The following ATP2A2 variants were observed in gnomAD, a reference collection of about 807,000 sequenced individuals.
The protein encoded by ATP2A2 is ATPase sarcoplasmic/endoplasmic reticulum Ca2+ transporting 2.
In ATP2A2, 14 loss-of-function variants were observed where a neutral mutation model predicts 109.3. The observed-to-expected ratio is 0.13, with a 90% CI of 0.08 to 0.20. The LOEUF (loss-of-function observed/expected upper bound fraction) is 0.20, where lower values mean the gene tolerates loss of function less well. Among genes scored for constraint, ATP2A2 ranks in the 10% least tolerant of loss-of-function variants. The pLI, the probability that ATP2A2 is intolerant of heterozygous loss-of-function variation, is 1.00. For synonymous variants in ATP2A2, 506 were observed against 490.9 expected (o/e 1.03, Z -0.41); for missense variants, 657 against 1,321.6 (o/e 0.50, Z 7.80).
Position 110,346,847 on chromosome 12 carries a change from T to C in ATP2A2, c.*377T>C, listed in dbSNP as rs535603417. 256 of 1,123,530 alleles carry C rather than the reference T, an allele frequency of 2.3e-4. 3 individuals are homozygous for C. The South Asian group carries it at 4.8e-3, about 21-fold the overall frequency. 69.6% of individuals were successfully genotyped at this position (1,123,530 alleles called of 1,614,324 possible). Reference sequence around the variant, plus strand: ...GGAAATGAATGTGTGTGGTTTTTTTTCTAAAACTAAATAGCATGTATTGTG... The same window carrying C: ...GGAAATGAATGTGTGTGGTTTTTTTCCTAAAACTAAATAGCATGTATTGTG... On this transcript the variant is annotated 3_prime_UTR_variant, in exon 20 of 20. Transcript: ENST00000539276.
chr12:110,292,238 G>T, intron 4 of ATP2A2, 114 bp downstream of exon 4: 1 of 829,704 alleles, frequency 1.2e-6, no homozygotes, highest in South Asian at 1.4e-5. Context: ...ATATGTTTGC[G>T]GGAAGTTTAC....
rs909274852 is a variant in ATP2A2 at position 110,283,338 on chromosome 12, A to T, written c.219+543A>T. Among the ~76,000 whole-genome samples, 4 of 152,014 alleles carry T rather than the reference A, an allele frequency of 2.6e-5. No homozygotes were observed. In the East Asian group the frequency reaches 7.7e-4, roughly 29 times the overall value. On this transcript the variant is annotated intron_variant, in intron 3 of 19. Transcript: ENST00000539276. ...AGGGTGGTATATTTATCTAAATTGG[A>T]CCCCTGTCTTAAGTGATTCTTAGGT...
chr12:110,293,294 C>G (rs1250467239), intron 4 of ATP2A2, among the ~76,000 whole-genome samples: 1 of 150,672 alleles, frequency 6.6e-6, no homozygotes, highest in African/African-American at 2.4e-5. Flanking sequence ...GGTCTCAAAC[C>G]CCTGACCTCG....
intron 5 of ATP2A2, among the ~76,000 whole-genome samples, chr12:110,307,303 C>G (rs1018504493): frequency 6.8e-6 from 1 of 147,192 alleles, no homozygotes; most frequent in Non-Finnish European, 1.5e-5. Flanking sequence ...ATGATTATAG[C>G]TCATTGAGCC....
intron 5 of ATP2A2, among the ~76,000 whole-genome samples, chr12:110,317,018 T>TA (rs1876738239): frequency 6.6e-6 from 1 of 152,176 alleles, no homozygotes; most frequent in Admixed American, 6.5e-5. Flanking sequence ...CACAGTAGTA[T>TA]AATGGGGTAT....
chr12:110,290,832 G>C (rs1873186905), intron 3 of ATP2A2, among the ~76,000 whole-genome samples: 1 of 152,058 alleles, frequency 6.6e-6, no homozygotes, highest in South Asian at 2.1e-4. Flanking sequence ...TCGAATTCCT[G>C]ACCTCAGGCG....
intron 18 of ATP2A2, 150 bp from the exon 19 acceptor site, chr12:110,345,851 A>C: frequency 1.3e-6 from 1 of 790,450 alleles, no homozygotes; most frequent in Non-Finnish European, 2.2e-6. Flanking sequence ...ATTCTCTTCA[A>C]CTTTGCCACT....
intron 11 of ATP2A2, among the ~76,000 whole-genome samples, chr12:110,335,141 G>A (rs1475768430): frequency 1.3e-5 from 2 of 152,182 alleles, no homozygotes; most frequent in Non-Finnish European, 2.9e-5. Context: ...TTGGACCTGA[G>A]TGAGGTTCCT....
intron 7 of ATP2A2, among the ~76,000 whole-genome samples, chr12:110,326,915 T>C (rs1877862233): frequency 1.3e-5 from 2 of 152,262 alleles, no homozygotes; most frequent in East Asian, 3.8e-4. Flanking sequence ...TTCATTTTAC[T>C]ATTTCACTTT....
chr12:110,291,580 C>T (rs545981520), intron 3 of ATP2A2, among the ~76,000 whole-genome samples: 5 of 151,158 alleles, frequency 3.3e-5, no homozygotes, highest in East Asian at 3.9e-4. Flanking sequence ...CATTTTCTAC[C>T]GTTTATTTCT....
At chr12:110,323,186 A>G (rs1333013227) in intron 6 of ATP2A2, 114 bp downstream of exon 6, 1 of 850,182 alleles carries the variant, frequency 1.2e-6, no homozygotes, top group East Asian at 2.5e-5. Flanking sequence ...AATCCTCTCT[A>G]AGATACTTAT....
At chr12:110,284,940 C>G (rs1260513128) in intron 3 of ATP2A2, among the ~76,000 whole-genome samples, 1 of 152,126 alleles carries the variant, frequency 6.6e-6, no homozygotes, top group African/African-American at 2.4e-5. Context: ...TTTAGTGTTT[C>G]ATTCCTCCTG....
intron 4 of ATP2A2, among the ~76,000 whole-genome samples, chr12:110,294,521 T>C (rs1162882941): frequency 6.6e-6 from 1 of 151,812 alleles, no homozygotes; most frequent in African/African-American, 2.4e-5. Context: ...GTTAGCTGGG[T>C]ATGGTAGCAT....
chr12:110,308,870 T>C (rs1033123391), intron 5 of ATP2A2, among the ~76,000 whole-genome samples: 10 of 152,202 alleles, frequency 6.6e-5, no homozygotes, highest in African/African-American at 2.2e-4. Flanking sequence ...TGAAGGGGTT[T>C]TTCAGATGTG....
chr12:110,283,836 T>C (rs1353409397), intron 3 of ATP2A2, among the ~76,000 whole-genome samples: 3 of 152,184 alleles, frequency 2.0e-5, no homozygotes, highest in African/African-American at 7.2e-5. Context: ...GCCTCAGTCT[T>C]TGTGAGAACC....
intron 5 of ATP2A2, among the ~76,000 whole-genome samples, chr12:110,301,593 C>T (rs1220747576): frequency 6.6e-6 from 1 of 152,210 alleles, no homozygotes; most frequent in Non-Finnish European, 1.5e-5. Context: ...CCGCAGCTGT[C>T]ATCATCTCCT....
At position 110,340,619 on chromosome 12, in the gene ATP2A2, G is replaced by T. The variant is rs774984901; in HGVS notation, c.1762-40G>T. The T allele has an allele frequency of 1.2e-6, 2 of 1,607,642 alleles. No individual in the cohort carries two copies. Among genetic ancestry groups the T allele is most frequent in the South Asian group, 1.1e-5 (1 of 90,774 alleles). On this transcript the variant is annotated intron_variant, in intron 13 of 19. Coordinates refer to ENST00000539276, the MANE Select transcript of ATP2A2 (RefSeq NM_170665.4). The surrounding 1 kb of genome is among the most constrained non-coding windows in gnomAD (Gnocchi z 6.0). ...TTTTCAAACTAGGGGACAAAAACTA[G>T]AACTTGCCACTTTTATTTAAAGTGA... is the stretch of plus-strand genomic sequence containing the variant.
At chr12:110,345,892 G>A (rs901608638) in intron 18 of ATP2A2, 109 bp from the exon 19 acceptor site, 3 of 1,093,654 alleles carry the variant, frequency 2.7e-6, no homozygotes, top group African/African-American at 1.5e-5. Flanking sequence ...AGCGGATGGT[G>A]CCACATTAAC....
Position 110,347,193 on chromosome 12 carries a change from T to C in ATP2A2, c.*723T>C. 8.4e-7 allele frequency: 1 copy of C among 1,192,320 alleles called. No homozygotes were observed. The highest frequency in any genetic ancestry group is 1.6e-5 in the South Asian group (1 of 63,440). 73.9% of individuals were successfully genotyped at this position (1,192,320 alleles called of 1,614,324 possible). A position where few individuals can be genotyped will look rare whatever the true frequency, so the allele number is the denominator to read the frequency against. On this transcript the variant is annotated 3_prime_UTR_variant, in exon 20 of 20. Coordinates refer to ENST00000539276, the MANE Select transcript of ATP2A2 (RefSeq NM_170665.4). ...ACTGGGTTTATGTCCCTTCACATAG[T>C]TTTTAAGGTTATTTATTTAAATGTC... is the stretch of plus-strand genomic sequence containing the variant.
Sources: gnomAD v4.1 joint callset for allele counts (sites outside exome capture counted in the v4.1 genomes callset) on GRCh38, gnomAD v4.1.1 for gene constraint, Gnocchi (gnomAD v3.1) non-coding constraint, MANE v1.5 for transcripts, NCBI Gene and HGNC (gene_info 2026-07-23, HGNC 2026-07-21) for gene names.